The following ERCC8 variants were observed in gnomAD, a reference collection of about 807,000 sequenced individuals.
ERCC8 encodes the protein DNA excision repair protein ERCC-8.
ERCC8 carries 52 observed loss-of-function variants against 54.9 expected under a neutral mutation model. That is an observed-to-expected ratio of 0.95 (90% CI 0.76 to 1.19). The LOEUF (loss-of-function observed/expected upper bound fraction) is 1.19. ERCC8 is among the 50% of genes most tolerant of loss of function. ERCC8 has a pLI of 0.00. For missense variants in ERCC8, 514 were observed against 466.1 expected, an observed-to-expected ratio of 1.10 and a Z score of -0.95; for synonymous variants, 146 against 157.2, an observed-to-expected ratio of 0.93 and a Z score of 0.53.
intron 7 of ERCC8, chr5:60,900,815 T>C (rs1748883703): frequency 6.6e-6 from 1 of 152,074 alleles, no homozygotes; most frequent in Non-Finnish European, 1.5e-5. Context: ...TTCTTATAAT[T>C]GAAAGCTTCT....
intron 5 of ERCC8, 117 bp downstream of exon 5, chr5:60,904,674 AT>A (rs1198870620): frequency 2.8e-5 from 5 of 178,584 alleles, no homozygotes; most frequent in Non-Finnish European, 4.3e-5. Context: ...ATATATATAT[AT>A]ATATATATAA....
rs939499637 is a variant in ERCC8 at position 60,872,842 on chromosome 5, G to A, written c.*1773C>T. On this transcript the variant is annotated 3_prime_UTR_variant, in exon 12 of 12. Transcript: ENST00000676185. ...TATCCAAAGGATATGAAATCAGTAT[G>A]TCAAAGAGATATCTGCACTACCAGG... Among the ~76,000 whole-genome samples the A allele has an allele frequency of 2.0e-5, 3 of 152,184 alleles. No individual in the cohort carries two copies. Among genetic ancestry groups the A allele is most frequent in the Non-Finnish European group, 2.9e-5 (2 of 68,028 alleles).
intron 9 of ERCC8, chr5:60,891,983 T>C (rs537643488): frequency 4.3e-5 from 23 of 530,634 alleles, no homozygotes; most frequent in African/African-American, 3.3e-4. Context: ...GCAGACATCA[T>C]GGAATCAGAC....
chr5:60,916,404 A>G (rs1243829352), intron 4 of ERCC8, among the ~76,000 whole-genome samples: 1 of 152,024 alleles, frequency 6.6e-6, no homozygotes, highest in Non-Finnish European at 1.5e-5. Context: ...CATTTCTGTA[A>G]GTGTTCCCCT....
At chr5:60,900,601 T>C (rs1260864806) in intron 7 of ERCC8, 2 of 152,086 alleles carry the variant, frequency 1.3e-5, no homozygotes. Context: ...TTTTCACAGA[T>C]GACCATCAAA....
At position 60,944,939 on chromosome 5, in the gene ERCC8, T is replaced by C. The variant is rs1348065997; in HGVS notation, c.70A>G (p.Thr24Ala). 6.2e-7 allele frequency: 1 copy of C among 1,613,704 alleles called. No individual in the cohort carries two copies. Among genetic ancestry groups the C allele is most frequent in the Non-Finnish European group, 8.5e-7 (1 of 1,179,612 alleles). The change falls in exon 1 of 12, where the codon ACA (threonine) becomes GCA (alanine). Residue 24 changes from threonine (T) to alanine (A), a missense_variant. Coordinates refer to ENST00000676185, the MANE Select transcript of ERCC8 (RefSeq NM_000082.4). ...DPLRLRRAES[T>A]RRVLGLELNK... ...AAGTAAGGTTTTCTTTACCTCCGTGTTGACTCTGCTCTCCGAAGGCGAAGA... is the reference window on the plus strand; with the variant it reads ...AAGTAAGGTTTTCTTTACCTCCGTGCTGACTCTGCTCTCCGAAGGCGAAGA...
chr5:60,931,354 T>C (rs1049902101), intron 1 of ERCC8, among the ~76,000 whole-genome samples: 13 of 152,214 alleles, frequency 8.5e-5, no homozygotes, highest in Non-Finnish European at 1.8e-4. Flanking sequence ...TCACCCAGGC[T>C]GGAGTGCAAT....
At chr5:60,897,029 C>T (rs1300734227) in intron 9 of ERCC8, among the ~76,000 whole-genome samples, 1 of 152,138 alleles carries the variant, frequency 6.6e-6, no homozygotes, top group Non-Finnish European at 1.5e-5. Context: ...CCTTCTGTTC[C>T]TCATCTGTTA....
intron 4 of ERCC8, among the ~76,000 whole-genome samples, chr5:60,911,659 C>T (rs1301297132): frequency 2.0e-5 from 3 of 152,058 alleles, no homozygotes; most frequent in Non-Finnish European, 4.4e-5. Flanking sequence ...ACATGAAGTC[C>T]TTGCCCATAC....
At chr5:60,896,087 AGTGAT>A (rs1748716821) in intron 9 of ERCC8, among the ~76,000 whole-genome samples, 1 of 152,040 alleles carries the variant, frequency 6.6e-6, no homozygotes, top group African/African-American at 2.4e-5. Flanking sequence ...CCCAGGTTCA[AGTGAT>A]TCTCCTGCCT....
chr5:60,898,698 T>C (rs1748788772), intron 8 of ERCC8, among the ~76,000 whole-genome samples: 1 of 151,780 alleles, frequency 6.6e-6, no homozygotes, highest in Admixed American at 6.6e-5. Context: ...ACACTAAAAT[T>C]TAAAATTAAA....
At chr5:60,906,047 A>G (rs1040656595) in intron 4 of ERCC8, among the ~76,000 whole-genome samples, 2 of 152,144 alleles carry the variant, frequency 1.3e-5, no homozygotes, top group Non-Finnish European at 2.9e-5. Flanking sequence ...TCCTGAAAAG[A>G]TATCTCAAAA....
intron 1 of ERCC8, among the ~76,000 whole-genome samples, chr5:60,932,571 C>T (rs566718619): frequency 9.8e-4 from 149 of 152,300 alleles, no homozygotes; most frequent in Non-Finnish European, 1.7e-3. Context: ...TAGAGTGTGT[C>T]CTGTGTGACT....
intron 6 of ERCC8, chr5:60,903,367 C>G: frequency 2.7e-6 from 1 of 372,908 alleles, no homozygotes. Context: ...ATGTGAGTTG[C>G]ATTAGTCTTT....
chr5:60,893,070 A>G, intron 9 of ERCC8: 1 of 776,878 alleles, frequency 1.3e-6, no homozygotes, highest in Non-Finnish European at 2.4e-6. Flanking sequence ...CTTGGGGTCC[A>G]GGTCAATCTT....
intron 1 of ERCC8, among the ~76,000 whole-genome samples, chr5:60,944,186 T>G (rs1750353508): frequency 6.6e-6 from 1 of 152,170 alleles, no homozygotes; most frequent in Non-Finnish European, 1.5e-5. Context: ...TCAATTTCCA[T>G]GGCCTGTTGA....
intron 9 of ERCC8, chr5:60,893,241 T>G: frequency 9.9e-7 from 1 of 1,008,062 alleles, no homozygotes; most frequent in Non-Finnish European, 1.6e-6. Context: ...TAAGCCTTCA[T>G]AGTGGCCTCG....
At position 60,934,909 on chromosome 5, in the gene ERCC8, T is replaced by A. The variant is rs189119043; in HGVS notation, c.78-5950A>T. ...CTCTACTTGTGGGTTCTCCACTCTG[T>A]TCCGTTGGTCTATATGCCTATTTTT... On this transcript the variant is annotated intron_variant, in intron 1 of 11. Transcript: ENST00000676185. 8.9e-4 allele frequency among the ~76,000 whole-genome samples: 136 copies of A among 152,376 alleles called. 1 individual carries two copies. The highest frequency in any genetic ancestry group is 3.2e-3 in the African/African-American group (132 of 41,592).
At chr5:60,938,259 C>T (rs1457607168) in intron 1 of ERCC8, among the ~76,000 whole-genome samples, 1 of 150,076 alleles carries the variant, frequency 6.7e-6, no homozygotes, top group Non-Finnish European at 1.5e-5. Flanking sequence ...ATTTCCAAAA[C>T]ATGAGGTGGT....
Sources: allele counts gnomAD v4.1 joint callset (sites outside exome capture counted in the v4.1 genomes callset), GRCh38; gene constraint gnomAD v4.1.1; transcripts MANE v1.5; gene names NCBI Gene and HGNC (gene_info 2026-07-23, HGNC 2026-07-21).